SH3GL2: variants seen among roughly 807,000 people sequenced by gnomAD.
The protein encoded by SH3GL2 is endophilin-A1.
A neutral mutation model predicts 46.0 loss-of-function variants in SH3GL2; 24 were observed. The observed-to-expected ratio is 0.52, with a 90% CI of 0.38 to 0.73. The LOEUF is 0.73. Among genes scored for constraint, SH3GL2 ranks in the 30% least tolerant of loss-of-function variants. The probability of loss-of-function intolerance (pLI) is 0.00; values close to 1 mark genes in which losing one functional copy is unlikely to be tolerated. For missense variants in SH3GL2, 413 were observed against 424.2 expected, an observed-to-expected ratio of 0.97 and a Z score of 0.23; for synonymous variants, 196 against 147.1, an observed-to-expected ratio of 1.33 and a Z score of -2.40.
chr9:17,674,291 G>C (rs1465246885), intron 1 of SH3GL2, among the ~76,000 whole-genome samples: 1 of 152,062 alleles, frequency 6.6e-6, no homozygotes, highest in Non-Finnish European at 1.5e-5. Context: ...TTTTAAGACG[G>C]AGTCTCTCTC....
intron 1 of SH3GL2, among the ~76,000 whole-genome samples, chr9:17,655,778 T>C (rs1020258692): frequency 1.1e-4 from 16 of 152,226 alleles, no homozygotes; most frequent in African/African-American, 3.9e-4. Flanking sequence ...GTCTGATCCA[T>C]GTAGTCTGAA....
intron 2 of SH3GL2, among the ~76,000 whole-genome samples, chr9:17,752,353 C>G (rs1271755273): frequency 2.0e-5 from 3 of 152,108 alleles, no homozygotes; most frequent in African/African-American, 7.2e-5. Context: ...GTTGTAGTTT[C>G]TTAACTTCAG....
intron 3 of SH3GL2, among the ~76,000 whole-genome samples, chr9:17,773,786 T>A (rs1823563079): frequency 6.6e-6 from 1 of 152,112 alleles, no homozygotes; most frequent in Admixed American, 6.6e-5. Flanking sequence ...TTGGAGTCCC[T>A]TGAGATTCCA....
At chr9:17,731,111 T>TAG (rs1822167280) in intron 1 of SH3GL2, among the ~76,000 whole-genome samples, 3 of 152,226 alleles carry the variant, frequency 2.0e-5, no homozygotes, top group East Asian at 3.9e-4. Context: ...GCAGGAATGA[T>TAG]ACCTTTTCCT....
At chr9:17,678,789 A>G (rs1820685314) in intron 1 of SH3GL2, among the ~76,000 whole-genome samples, 2 of 152,132 alleles carry the variant, frequency 1.3e-5, no homozygotes, top group Admixed American at 1.3e-4. Flanking sequence ...TCTTTAATCC[A>G]TCTTGAATTG....
intron 1 of SH3GL2, among the ~76,000 whole-genome samples, chr9:17,711,980 G>A (rs541317783): frequency 6.6e-6 from 1 of 151,796 alleles, no homozygotes; most frequent in Non-Finnish European, 1.5e-5. Context: ...TACTTGGCAT[G>A]GCAGACTTTT....
At chr9:17,598,289 C>T (rs3808772) in intron 1 of SH3GL2, among the ~76,000 whole-genome samples, 109,860 of 152,104 alleles carry the variant, frequency 0.72, 39,917 homozygotes, top group African/African-American at 0.78. Context: ...AGAGGATAGC[C>T]TTGAGGGTAA....
chr9:17,621,186 A>G (rs1269786347), intron 1 of SH3GL2, among the ~76,000 whole-genome samples: 1 of 152,188 alleles, frequency 6.6e-6, no homozygotes, highest in Non-Finnish European at 1.5e-5. Context: ...CTGTGAATGT[A>G]TAGATTGTTG....
chr9:17,791,600 C>A (rs994142436), intron 7 of SH3GL2, among the ~76,000 whole-genome samples: 1 of 152,186 alleles, frequency 6.6e-6, no homozygotes, highest in African/African-American at 2.4e-5. Flanking sequence ...GATGCTACTG[C>A]TGATAATGGA....
chr9:17,597,892 A>T (rs1311485612), intron 1 of SH3GL2, among the ~76,000 whole-genome samples: 1 of 152,182 alleles, frequency 6.6e-6, no homozygotes, highest in African/African-American at 2.4e-5. Context: ...TTCTTAACAA[A>T]CAGTAAGCAT....
intron 1 of SH3GL2, among the ~76,000 whole-genome samples, chr9:17,707,679 T>C (rs3808696): frequency 0.066 from 10,007 of 152,090 alleles, 477 homozygotes; most frequent in Admixed American, 0.14. Flanking sequence ...GATGAAACTA[T>C]AGATATGTTT....
At chr9:17,719,589 A>T (rs1163538053) in intron 1 of SH3GL2, among the ~76,000 whole-genome samples, 1 of 152,058 alleles carries the variant, frequency 6.6e-6, no homozygotes, top group African/African-American at 2.4e-5. Flanking sequence ...CAGCAGTTTG[A>T]TCCCAGCCTG....
At chr9:17,684,256 T>G (rs1246549910) in intron 1 of SH3GL2, among the ~76,000 whole-genome samples, 2 of 151,442 alleles carry the variant, frequency 1.3e-5, no homozygotes, top group Non-Finnish European at 2.9e-5. Flanking sequence ...CAAAAAAGAG[T>G]GAAATGAAAA....
At chr9:17,638,904 T>C (rs1406971032) in intron 1 of SH3GL2, among the ~76,000 whole-genome samples, 1 of 152,196 alleles carries the variant, frequency 6.6e-6, no homozygotes, top group Non-Finnish European at 1.5e-5. Context: ...GACATCCGAA[T>C]TACAGGGGTT....
At position 17,637,196 on chromosome 9, in the gene SH3GL2, GTA is replaced by G. The variant is rs1819561496; in HGVS notation, c.45+57911_45+57912del. On this transcript the variant is annotated intron_variant, in intron 1 of 8. Transcript: ENST00000380607. ...TTTAATGGTGAATTCACGGTATGAT[GTA>G]TTTCAGCCCAAAGTTAAGACCAAAG... Among the ~76,000 whole-genome samples, 4 of 152,268 alleles carry G rather than the reference GTA, an allele frequency of 2.6e-5. No individual in the cohort carries two copies. The South Asian group carries it at 8.3e-4, about 32-fold the overall frequency.
intron 1 of SH3GL2, among the ~76,000 whole-genome samples, chr9:17,638,220 C>T (rs940500378): frequency 1.3e-5 from 2 of 151,946 alleles, no homozygotes; most frequent in Non-Finnish European, 2.9e-5. Flanking sequence ...GCAAGATATC[C>T]TAGAGGGGCC....
At chr9:17,611,460 G>T (rs1256595681) in intron 1 of SH3GL2, among the ~76,000 whole-genome samples, 1 of 152,120 alleles carries the variant, frequency 6.6e-6, no homozygotes, top group East Asian at 1.9e-4. Context: ...AACTTTATTG[G>T]CTTCAGTTCC....
intron 2 of SH3GL2, among the ~76,000 whole-genome samples, chr9:17,752,658 T>C (rs1210408810): frequency 3.3e-5 from 5 of 152,084 alleles, no homozygotes; most frequent in Non-Finnish European, 7.4e-5. Flanking sequence ...CCACCATGCC[T>C]GCCTAATTTT....
chr9:17,770,147 A>G (rs1303236034), intron 3 of SH3GL2, among the ~76,000 whole-genome samples: 1 of 152,214 alleles, frequency 6.6e-6, no homozygotes, highest in African/African-American at 2.4e-5. Context: ...GTCATGTACA[A>G]TTAGTATATT....
Sources: allele counts gnomAD v4.1 joint callset (sites outside exome capture counted in the v4.1 genomes callset), GRCh38; gene constraint gnomAD v4.1.1; transcripts MANE v1.5; gene names NCBI Gene and HGNC (gene_info 2026-07-23, HGNC 2026-07-21).